PTPN3: variants seen among roughly 807,000 people sequenced by gnomAD.
The protein encoded by PTPN3 is protein tyrosine phosphatase non-receptor type 3, also known as tyrosine-protein phosphatase non-receptor type 3.
PTPN3 carries 96 observed loss-of-function variants against 132.7 expected under a neutral mutation model. That is an observed-to-expected ratio of 0.72 (90% CI 0.61 to 0.86). PTPN3 has a LOEUF of 0.86. PTPN3 is among the 40% of genes least tolerant of loss of function. The pLI, the probability that PTPN3 is intolerant of heterozygous loss-of-function variation, is 0.00. For missense variants in PTPN3, 1,125 were observed against 1,159.6 expected, an observed-to-expected ratio of 0.97 and a Z score of 0.43; for synonymous variants, 398 against 429.0, an observed-to-expected ratio of 0.93 and a Z score of 0.89.
Position 109,457,357 on chromosome 9 carries a change from G to A in PTPN3, c.181C>T (p.His61Tyr). Residue 61 changes from histidine to tyrosine, a missense_variant, in exon 3 of 26, where the codon CAC (histidine) becomes TAC (tyrosine). Physicochemically the swap from His to Tyr is moderately conservative, Grantham distance 83. Coordinates refer to ENST00000374541, the MANE Select transcript of PTPN3 (RefSeq NM_002829.4). ...GQVLLDMVHN[H>Y]LGVTEKEYFG... ...TATTCCTTTTCAGTCACACCCAGGT[G>A]GTTGTGCACCATATCCAGAAGAACC... 1 of 1,614,038 alleles carries A rather than the reference G, an allele frequency of 6.2e-7. No individual in the cohort carries two copies. Among genetic ancestry groups the A allele is most frequent in the East Asian group, 2.2e-5 (1 of 44,892 alleles).
intron 1 of PTPN3, among the ~76,000 whole-genome samples, chr9:109,485,845 T>C (rs1564483836): frequency 6.6e-6 from 1 of 152,212 alleles, no homozygotes; most frequent in Non-Finnish European, 1.5e-5. Flanking sequence ...CCGACTCCCA[T>C]ACACCTATTC....
chr9:109,442,776 A>G (rs537877004), intron 7 of PTPN3, among the ~76,000 whole-genome samples: 3 of 152,316 alleles, frequency 2.0e-5, no homozygotes, highest in East Asian at 1.9e-4. Context: ...TGAAGGAGAC[A>G]CTTATTATCC....
intron 2 of PTPN3, among the ~76,000 whole-genome samples, chr9:109,460,695 G>A (rs552132864): frequency 1.3e-5 from 2 of 152,204 alleles, no homozygotes; most frequent in African/African-American, 2.4e-5. Context: ...CTCTGGTTAC[G>A]TCTATACAAT....
chr9:109,513,615 G>T, the PTPN3 span, among the ~76,000 whole-genome samples: 1 of 152,254 alleles, frequency 6.6e-6, no homozygotes, highest in South Asian at 2.1e-4. Context: ...CTTGTTAACT[G>T]AGTGTATGAA....
At chr9:109,518,127 C>T in the PTPN3 span, among the ~76,000 whole-genome samples, 6 of 114,038 alleles carry the variant, frequency 5.3e-5, no homozygotes, top group Non-Finnish European at 1.1e-4. Context: ...TCTAAGTAAT[C>T]CCTTCATTAC....
intron 12 of PTPN3, among the ~76,000 whole-genome samples, chr9:109,425,598 C>A (rs1406337016): frequency 6.6e-6 from 1 of 152,014 alleles, no homozygotes; most frequent in Non-Finnish European, 1.5e-5. Flanking sequence ...GTAATCCCAG[C>A]TACTTGGGAG....
At chr9:109,471,830 C>T (rs1012709161) in intron 1 of PTPN3, among the ~76,000 whole-genome samples, 4 of 152,072 alleles carry the variant, frequency 2.6e-5, no homozygotes, top group African/African-American at 9.7e-5. Context: ...AAATAAATAC[C>T]CCCTGACCCT....
chr9:109,420,861 C>A (rs1471812600), intron 13 of PTPN3, among the ~76,000 whole-genome samples: 1 of 152,116 alleles, frequency 6.6e-6, no homozygotes, highest in East Asian at 1.9e-4. Context: ...TGGGTTTATG[C>A]CCTTTGGGAA....
chr9:109,533,763 T>A, the PTPN3 span: 3 of 1,357,210 alleles, frequency 2.2e-6, no homozygotes, highest in Non-Finnish European at 3.0e-6. Flanking sequence ...AACCTTCACC[T>A]GCTGTAGGGC....
chr9:109,434,572 T>A (rs1302372755), intron 9 of PTPN3, among the ~76,000 whole-genome samples: 1 of 152,222 alleles, frequency 6.6e-6, no homozygotes, highest in Non-Finnish European at 1.5e-5. Flanking sequence ...CCTCCCAAAG[T>A]GCTGGGGTTA....
Position 109,436,854 on chromosome 9 carries a change from T to C in PTPN3, c.675+29A>G, listed in dbSNP as rs763796445. ...AGAGATTAAAATAAAAACATAATGTTTGAGCCAAGACATAACAAGAATACA... is the reference window on the plus strand; with the variant it reads ...AGAGATTAAAATAAAAACATAATGTCTGAGCCAAGACATAACAAGAATACA... On this transcript the variant is annotated intron_variant, in intron 9 of 25. Coordinates refer to ENST00000374541, the MANE Select transcript of PTPN3 (RefSeq NM_002829.4). 1.0e-5 allele frequency: 16 copies of C among 1,590,172 alleles called. No homozygotes were observed. In the African/African-American group the frequency reaches 1.1e-4, roughly 11 times the overall value.
intron 1 of PTPN3, among the ~76,000 whole-genome samples, chr9:109,473,903 TAGA>T (rs1564474159): frequency 1.4e-5 from 2 of 138,416 alleles, no homozygotes; most frequent in African/African-American, 2.7e-5. Context: ...TAGATTGTGT[TAGA>T]AGTTCTTTTT....
At position 109,408,444 on chromosome 9, in the gene PTPN3, A is replaced by AAAG. The variant is rs1175947150; in HGVS notation, c.1579-68_1579-67insCTT. ...GTTAAACAAACAAACAAACAAAAAAACGAGTAGCTCACAGCATCAACAACA... is the reference window on the plus strand; with the variant it reads ...GTTAAACAAACAAACAAACAAAAAAAAAGCGAGTAGCTCACAGCATCAACAACA... On this transcript the variant is annotated intron_variant, in intron 16 of 25. Transcript: ENST00000374541. The AAAG allele has an allele frequency of 2.2e-4, 284 of 1,312,846 alleles. No individual in the cohort carries two copies. The Middle Eastern group carries it at 4.3e-3, about 20-fold the overall frequency. 81.3% of individuals were successfully genotyped at this position (1,312,846 alleles called of 1,614,324 possible).
At chr9:109,385,527 C>T (rs1839507256) in intron 22 of PTPN3, among the ~76,000 whole-genome samples, 1 of 152,050 alleles carries the variant, frequency 6.6e-6, no homozygotes, top group African/African-American at 2.4e-5. Context: ...AACTGAGGCT[C>T]AGAGAATGAA....
At chr9:109,461,263 A>T (rs1845831167) in intron 2 of PTPN3, among the ~76,000 whole-genome samples, 1 of 152,152 alleles carries the variant, frequency 6.6e-6, no homozygotes, top group Admixed American at 6.5e-5. Context: ...CAACTCGGGG[A>T]GCCATTACAA....
intron 1 of PTPN3, among the ~76,000 whole-genome samples, chr9:109,475,972 C>T (rs1366895874): frequency 6.6e-6 from 1 of 152,302 alleles, no homozygotes; most frequent in South Asian, 2.1e-4. Flanking sequence ...CACTTACCCC[C>T]ACGAAGCATC....
At chr9:109,514,433 TGAA>T in the PTPN3 span, among the ~76,000 whole-genome samples, 1 of 152,202 alleles carries the variant, frequency 6.6e-6, no homozygotes, top group Non-Finnish European at 1.5e-5. Flanking sequence ...AGTGAGAATG[TGAA>T]GAAGAAGTGG....
chr9:109,487,778 A>C (rs562157882), intron 1 of PTPN3, among the ~76,000 whole-genome samples: 1 of 152,376 alleles, frequency 6.6e-6, no homozygotes, highest in South Asian at 2.1e-4. Context: ...AAAGGTATTA[A>C]CAAAATAATA....
intron 14 of PTPN3, among the ~76,000 whole-genome samples, chr9:109,414,524 C>T (rs1842328120): frequency 6.6e-6 from 1 of 152,228 alleles, no homozygotes; most frequent in Non-Finnish European, 1.5e-5. Context: ...AGAAAGAAGA[C>T]TGTCTTCCAA....
Sources: gnomAD v4.1 joint callset for allele counts (sites outside exome capture counted in the v4.1 genomes callset) on GRCh38, gnomAD v4.1.1 for gene constraint, MANE v1.5 for transcripts, NCBI Gene and HGNC (gene_info 2026-07-23, HGNC 2026-07-21) for gene names.